GRIN2A: variants seen among roughly 807,000 people sequenced by gnomAD.
GRIN2A encodes glutamate receptor ionotropic, NMDA 2A.
GRIN2A carries 22 observed loss-of-function variants against 113.4 expected under a neutral mutation model. The observed-to-expected ratio is 0.19, with a 90% CI of 0.14 to 0.28. The LOEUF (loss-of-function observed/expected upper bound fraction) is 0.28, where lower values mean the gene tolerates loss of function less well. Ranked by LOEUF, GRIN2A falls within the 10% of genes least tolerant of loss-of-function variation. The pLI, the probability that GRIN2A is intolerant of heterozygous loss-of-function variation, is 1.00. For missense variants in GRIN2A, 1,502 were observed against 1,887.0 expected, an observed-to-expected ratio of 0.80 and a Z score of 3.78; for synonymous variants, 827 against 738.4, an observed-to-expected ratio of 1.12 and a Z score of -1.94.
intron 2 of GRIN2A, among the ~76,000 whole-genome samples, chr16:10,076,690 G>A (rs1308465020): frequency 6.6e-6 from 1 of 152,204 alleles, no homozygotes; most frequent in Non-Finnish European, 1.5e-5. Context: ...AGGAGAAAGA[G>A]CTATGACGAC....
chr16:9,772,515 G>A (rs937379513), intron 11 of GRIN2A, among the ~76,000 whole-genome samples: 1 of 152,168 alleles, frequency 6.6e-6, no homozygotes, highest in Non-Finnish European at 1.5e-5. Flanking sequence ...GGGACGACAG[G>A]CACATGCCAC....
At chr16:10,176,872 A>T (rs1189089508) in intron 2 of GRIN2A, among the ~76,000 whole-genome samples, 4 of 152,234 alleles carry the variant, frequency 2.6e-5, no homozygotes, top group African/African-American at 4.8e-5. Context: ...AAAAAAAGTT[A>T]AAAAAATGTG....
At chr16:9,772,922 C>CAAAAAAAAAAAAAAAAAA (rs71400490) in intron 11 of GRIN2A, among the ~76,000 whole-genome samples, 3 of 105,012 alleles carry the variant, frequency 2.9e-5, no homozygotes, top group African/African-American at 1.1e-4. Context: ...ACTTCAATTT[C>CAAAAAAAAAAAAAAAAAA]AAAAAAAAAA....
intron 2 of GRIN2A, among the ~76,000 whole-genome samples, chr16:10,111,015 A>G (rs1438400866): frequency 6.6e-6 from 1 of 152,270 alleles, no homozygotes; most frequent in Non-Finnish European, 1.5e-5. Flanking sequence ...AAAAGCTAGT[A>G]TATCAGCTCG....
intron 2 of GRIN2A, among the ~76,000 whole-genome samples, chr16:10,085,344 G>C (rs894175228): frequency 2.6e-5 from 4 of 152,128 alleles, no homozygotes; most frequent in Admixed American, 6.6e-5. Context: ...GTTATAGGAG[G>C]AGCTATGAAT....
At chr16:10,050,696 G>A (rs2047343952) in intron 2 of GRIN2A, among the ~76,000 whole-genome samples, 1 of 151,940 alleles carries the variant, frequency 6.6e-6, no homozygotes, top group African/African-American at 2.4e-5. Flanking sequence ...ACAATAAATG[G>A]AATGCACTTG....
chr16:10,167,898 G>C (rs2049958301), intron 2 of GRIN2A, among the ~76,000 whole-genome samples: 1 of 152,148 alleles, frequency 6.6e-6, no homozygotes, highest in African/African-American at 2.4e-5. Context: ...AGTATTTTCT[G>C]CCATAAGCAG....
intron 10 of GRIN2A, among the ~76,000 whole-genome samples, chr16:9,805,295 A>G (rs2041945064): frequency 6.6e-6 from 1 of 152,218 alleles, no homozygotes; most frequent in South Asian, 2.1e-4. Context: ...TGGGGGTCTC[A>G]GCACATTTAA....
intron 2 of GRIN2A, among the ~76,000 whole-genome samples, chr16:10,150,283 AC>A (rs1415316669): frequency 1.3e-5 from 2 of 152,114 alleles, no homozygotes; most frequent in Non-Finnish European, 2.9e-5. Context: ...ACTGACCAAA[AC>A]TTTAGGCACT....
chr16:9,832,984 G>C (rs1028919460), intron 8 of GRIN2A, among the ~76,000 whole-genome samples: 3 of 152,170 alleles, frequency 2.0e-5, no homozygotes, highest in Non-Finnish European at 2.9e-5. Context: ...AAAAGAATAT[G>C]TATCCATCAC....
intron 7 of GRIN2A, among the ~76,000 whole-genome samples, chr16:9,834,609 T>C (rs189128659): frequency 3.7e-4 from 57 of 152,322 alleles, no homozygotes; most frequent in African/African-American, 1.3e-3. Context: ...CTCAAACTCC[T>C]GACCTCAGGT....
intron 2 of GRIN2A, among the ~76,000 whole-genome samples, chr16:10,123,115 G>A (rs2048865702): frequency 6.6e-6 from 1 of 152,124 alleles, no homozygotes; most frequent in Admixed American, 6.5e-5. Context: ...ACAGGGAGAT[G>A]GGGCCGATCT....
chr16:9,969,919 C>T (rs995223593), intron 2 of GRIN2A, among the ~76,000 whole-genome samples: 3 of 152,230 alleles, frequency 2.0e-5, no homozygotes, highest in Non-Finnish European at 4.4e-5. Flanking sequence ...CTCACAGGCA[C>T]GCCTACTCCC....
intron 3 of GRIN2A, among the ~76,000 whole-genome samples, chr16:9,921,808 G>T (rs186982748): frequency 3.3e-5 from 5 of 152,284 alleles, no homozygotes; most frequent in Admixed American, 3.3e-4. Flanking sequence ...TGGAAGCAAT[G>T]CACCTAGGTG....
rs572371350 is a variant in GRIN2A, at chr16:9,819,521, GA to G, written c.2168+2742del. ...TGGGTGACAGAGTGAGACCCTGTCT[GA>G]AAAAAAAAAAAAAATTTAAATAATT... On this transcript the variant is annotated intron_variant, in intron 10 of 12. Coordinates refer to ENST00000330684, the MANE Select transcript of GRIN2A (RefSeq NM_001134407.3). Among the ~76,000 whole-genome samples, 723 of 134,006 alleles carry G rather than the reference GA, an allele frequency of 5.4e-3. 2 individuals carry two copies. Among genetic ancestry groups the G allele is most frequent in the Admixed American group, 8.3e-3 (110 of 13,244 alleles). 87.9% of individuals were successfully genotyped at this position (134,006 alleles called of 152,430 possible). A position where few individuals can be genotyped will look rare whatever the true frequency, so the allele number is the denominator to read the frequency against.
Position 10,180,810 on chromosome 16 carries a change from G to A in GRIN2A, c.-18-381C>T, listed in dbSNP as rs1047480013. ...ACCCCACCAAGCTCCTAGGTGCACA[G>A]AATAAACCCTCCATCCAACCCCTCC... is the stretch of plus-strand genomic sequence containing the variant. On this transcript the variant is annotated intron_variant, in intron 1 of 12. Coordinates refer to ENST00000330684, the MANE Select transcript of GRIN2A (RefSeq NM_001134407.3). This position sits in a 1 kb window ranked among gnomAD's most constrained non-coding sequence, Gnocchi z 7.0. 3.0e-6 allele frequency: 1 copy of A among 330,042 alleles called. No homozygotes were observed. Among genetic ancestry groups the A allele is most frequent in the Non-Finnish European group, 5.7e-6 (1 of 174,558 alleles). 20.4% of individuals were successfully genotyped at this position (330,042 alleles called of 1,614,324 possible). A position where few individuals can be genotyped will look rare whatever the true frequency, so the allele number is the denominator to read the frequency against.
At chr16:10,029,083 C>G (rs1193897697) in intron 2 of GRIN2A, among the ~76,000 whole-genome samples, 1 of 152,196 alleles carries the variant, frequency 6.6e-6, no homozygotes, top group Admixed American at 6.5e-5. Context: ...CATTTCTCCC[C>G]AGAGCTGGAG....
chr16:10,138,656 G>A (rs1337303917), intron 2 of GRIN2A, among the ~76,000 whole-genome samples: 1 of 152,138 alleles, frequency 6.6e-6, no homozygotes, highest in Non-Finnish European at 1.5e-5. Flanking sequence ...GAGACACTGT[G>A]CACTCTGTTT....
intron 2 of GRIN2A, among the ~76,000 whole-genome samples, chr16:10,036,585 C>T (rs2047035014): frequency 6.7e-6 from 1 of 148,750 alleles, no homozygotes; most frequent in Non-Finnish European, 1.5e-5. Context: ...GGACTACAGG[C>T]ACCCGCCACA....
Sources: allele counts gnomAD v4.1 joint callset (sites outside exome capture counted in the v4.1 genomes callset), GRCh38; gene constraint gnomAD v4.1.1; non-coding constraint Gnocchi (gnomAD v3.1); transcripts MANE v1.5; gene names NCBI Gene and HGNC (gene_info 2026-07-23, HGNC 2026-07-21).